Variants in NLRC4 observed in about 807,000 individuals in gnomAD.
The protein encoded by NLRC4 is NLR family CARD domain-containing protein 4.
A neutral mutation model predicts 79.9 loss-of-function variants in NLRC4; 63 were observed. The observed-to-expected ratio is 0.79, with a 90% CI of 0.64 to 0.97. NLRC4 has a LOEUF of 0.97. NLRC4 is among the 50% of genes least tolerant of loss of function. NLRC4 has a pLI of 0.00. For missense variants in NLRC4, 1,074 were observed against 1,215.2 expected (o/e 0.88, Z 1.73); for synonymous variants, 461 against 456.5 (o/e 1.01, Z -0.12).
chr2:32,240,034 G>A lies in NLRC4; in HGVS notation c.2350+999C>T, dbSNP rs998845497. Among the ~76,000 whole-genome samples, 9 of 152,234 alleles carry A rather than the reference G, an allele frequency of 5.9e-5. 2 individuals are homozygous for A. The highest frequency in any genetic ancestry group is 3.3e-4 in the Admixed American group (5 of 15,280). On this transcript the variant is annotated intron_variant, in intron 5 of 8. Transcript: ENST00000402280. ...CTATCTCTGTCACCGAGGCTGGAGT[G>A]CAGTGGAGCAATCTCGGCTCACTAC...
chr2:32,239,142 G>C (rs1342838517), intron 5 of NLRC4, among the ~76,000 whole-genome samples: 1 of 152,082 alleles, frequency 6.6e-6, no homozygotes, highest in African/African-American at 2.4e-5. Flanking sequence ...TTAGCTGGGC[G>C]TGATGGTGCA....
rs142177494 is a variant in NLRC4, at chr2:32,250,300, A to G, written c.1564T>C (p.Ser522Pro). The stretch of plus-strand genomic sequence containing the variant: ...CTCCAGAGAGGCCTCTTGGCGATGG[A>G]AAGTCCGAGAAGGCAGCCGTGTTGA... ...VYQHGCLLGL[S>P]IAKRPLWRQE... The change falls in exon 4 of 9, where the codon TCC becomes CCC. Residue 522 changes from serine to proline, a missense_variant. Coordinates refer to ENST00000402280, the MANE Select transcript of NLRC4 (RefSeq NM_001199138.2). This position sits in a 1 kb window ranked among gnomAD's most constrained non-coding sequence, Gnocchi z 4.9. 301 of 1,614,176 alleles carry G rather than the reference A, an allele frequency of 1.9e-4. 2 individuals are homozygous for G. The East Asian group carries it at 6.4e-3, about 35-fold the overall frequency.
chr2:32,255,200 A>G (rs994720005), intron 2 of NLRC4, among the ~76,000 whole-genome samples: 3 of 150,744 alleles, frequency 2.0e-5, no homozygotes, highest in East Asian at 1.9e-4. Context: ...TCTGTGTCCC[A>G]TTGTGATCTT....
At chr2:32,257,340 G>A (rs919402915) in intron 1 of NLRC4, among the ~76,000 whole-genome samples, 1 of 152,234 alleles carries the variant, frequency 6.6e-6, no homozygotes, top group Admixed American at 6.5e-5. Context: ...GGGCGCGGTG[G>A]CTCACGCCTG....
intron 8 of NLRC4, among the ~76,000 whole-genome samples, chr2:32,228,452 C>G (rs1169057145): frequency 6.6e-6 from 1 of 152,148 alleles, no homozygotes; most frequent in Admixed American, 6.5e-5. Flanking sequence ...CTTGTGTCTC[C>G]CTCTAAAATG....
intron 4 of NLRC4, among the ~76,000 whole-genome samples, chr2:32,248,340 G>A (rs1686986973): frequency 6.6e-6 from 1 of 152,066 alleles, no homozygotes; most frequent in African/African-American, 2.4e-5. Flanking sequence ...AGGATGGGAG[G>A]TCAAACACAC....
chr2:32,225,275 C>T (rs1274964703), intron 8 of NLRC4, among the ~76,000 whole-genome samples: 1 of 152,066 alleles, frequency 6.6e-6, no homozygotes, highest in Non-Finnish European at 1.5e-5. Flanking sequence ...ATGTATAACC[C>T]TCCCGAGCCT....
At chr2:32,238,045 C>T (rs1686711563) in intron 6 of NLRC4, 87 bp downstream of exon 6, 3 of 914,194 alleles carry the variant, frequency 3.3e-6, no homozygotes, top group Non-Finnish European at 4.7e-6. Context: ...ATTAAATTTC[C>T]ATTTGAGACA....
intron 3 of NLRC4, 44 bp downstream of exon 3, chr2:32,252,375 C>G: frequency 6.9e-7 from 1 of 1,457,256 alleles, no homozygotes; most frequent in South Asian, 1.2e-5. Flanking sequence ...TTGTTGTGGT[C>G]TATTCTACTT....
At chr2:32,263,730 C>T (rs541189256) in intron 1 of NLRC4, among the ~76,000 whole-genome samples, 2 of 152,248 alleles carry the variant, frequency 1.3e-5, no homozygotes, top group Non-Finnish European at 2.9e-5. Flanking sequence ...GGACTTGCAG[C>T]CTCCAGAACT....
chr2:32,252,979 C>T (rs1436178460), intron 2 of NLRC4, among the ~76,000 whole-genome samples: 1 of 151,794 alleles, frequency 6.6e-6, no homozygotes, highest in Non-Finnish European at 1.5e-5. Flanking sequence ...GATAGCGCCA[C>T]TGCACTCCGG....
At chr2:32,233,682 T>TGTGGCC (rs1686607005) in intron 8 of NLRC4, among the ~76,000 whole-genome samples, 1 of 152,190 alleles carries the variant, frequency 6.6e-6, no homozygotes, top group South Asian at 2.1e-4. Flanking sequence ...GGGGGATTTT[T>TGTGGCC]TAAGACTTAT....
At chr2:32,241,369 CTTTTTTTTTTTTTTT>C (rs34150887) in intron 4 of NLRC4, among the ~76,000 whole-genome samples, 1 of 74,360 alleles carries the variant, frequency 1.3e-5, no homozygotes, top group Non-Finnish European at 2.4e-5. Flanking sequence ...AAAAAATTTC[CTTTTTTTTTTTTTTT>C]TTTTTTTTTT....
At chr2:32,231,718 C>T (rs912928737) in intron 8 of NLRC4, among the ~76,000 whole-genome samples, 7 of 152,042 alleles carry the variant, frequency 4.6e-5, no homozygotes, top group Non-Finnish European at 7.4e-5. Context: ...TACAGGCGTA[C>T]GCTGCCACAC....
intron 8 of NLRC4, among the ~76,000 whole-genome samples, chr2:32,227,221 C>T (rs1041742434): frequency 1.3e-5 from 2 of 151,772 alleles, no homozygotes; most frequent in Non-Finnish European, 2.9e-5. Flanking sequence ...AGAGGAAAAC[C>T]ACCCCACCTG....
chr2:32,236,868 A>AAAAG (rs10692945), intron 6 of NLRC4, among the ~76,000 whole-genome samples: 111,290 of 151,642 alleles, frequency 0.73, 41,355 homozygotes, highest in African/African-American at 0.82. Flanking sequence ...GGATGAGAAA[A>AAAAG]AAAACAAATA....
chr2:32,233,138 AAGGAAGGAAGGAAGGAAGG>A lies in NLRC4; in HGVS notation c.2782+2244_2782+2262del, dbSNP rs1686579731. On this transcript the variant is annotated intron_variant, in intron 8 of 8. Coordinates refer to ENST00000402280, the MANE Select transcript of NLRC4 (RefSeq NM_001199138.2). ...GAAAGAGAGGGGTGGGGGAGGGAGG[AAGGAAGGAAGGAAGGAAGG>A]AAGGAAGGAAGGAAGGAAGGAAGGA... Among the ~76,000 whole-genome samples the A allele has an allele frequency of 7.0e-4, 3 of 4,256 alleles. No homozygotes were observed. The East Asian group carries it at 0.013, about 19-fold the overall frequency. 2.8% of individuals were successfully genotyped at this position (4,256 alleles called of 152,430 possible).
chr2:32,237,539 C>G (rs1686700666), intron 6 of NLRC4, among the ~76,000 whole-genome samples: 1 of 152,190 alleles, frequency 6.6e-6, no homozygotes, highest in Admixed American at 6.5e-5. Context: ...AGACTCCCAG[C>G]AGTTATATAG....
At chr2:32,262,639 G>A (rs1687378214) in intron 1 of NLRC4, among the ~76,000 whole-genome samples, 1 of 152,096 alleles carries the variant, frequency 6.6e-6, no homozygotes, top group Admixed American at 6.6e-5. Context: ...AGCCAGGCGT[G>A]GAGGTGCACA....
Sources: allele counts gnomAD v4.1 joint callset (sites outside exome capture counted in the v4.1 genomes callset), GRCh38; gene constraint gnomAD v4.1.1; non-coding constraint Gnocchi (gnomAD v3.1); transcripts MANE v1.5; gene names NCBI Gene and HGNC (gene_info 2026-07-23, HGNC 2026-07-21).